Variants in LRP6 observed in about 807,000 individuals in gnomAD.
LRP6 encodes the protein low-density lipoprotein receptor-related protein 6.
In LRP6, 43 loss-of-function variants were observed where a neutral mutation model predicts 184.1. The observed-to-expected ratio is 0.23, with a 90% CI of 0.18 to 0.30. LRP6 has a LOEUF of 0.30. Among genes scored for constraint, LRP6 ranks in the 10% least tolerant of loss-of-function variants. The pLI, the probability that LRP6 is intolerant of heterozygous loss-of-function variation, is 1.00. For missense variants in LRP6, 1,571 were observed against 2,005.3 expected, an observed-to-expected ratio of 0.78 and a Z score of 4.14; for synonymous variants, 719 against 684.9, an observed-to-expected ratio of 1.05 and a Z score of -0.78.
chr12:12,254,162 A>AAAAAAAG (rs1565721161), intron 1 of LRP6, among the ~76,000 whole-genome samples: 6 of 134,960 alleles, frequency 4.4e-5, no homozygotes, highest in Non-Finnish European at 8.2e-5. Context: ...AAAAAAAAAA[A>AAAAAAAG]AAAGAAAGAA....
chr12:12,191,425 A>T (rs1012886788), intron 3 of LRP6, among the ~76,000 whole-genome samples: 1 of 152,224 alleles, frequency 6.6e-6, no homozygotes, highest in Admixed American at 6.5e-5. Flanking sequence ...ACATATACAT[A>T]GACATGAGAG....
chr12:12,117,281 A>T lies in LRP6; in HGVS notation c.*3845T>A, dbSNP rs1006664257. On this transcript the variant is annotated 3_prime_UTR_variant, in exon 23 of 23. Transcript: ENST00000261349. ...TTAGGACTCAGTCCACACTTAGTGC[A>T]TAGTCTCATCTGTAGATGCCCAAAT... The T allele has an allele frequency of 6.6e-6, 1 of 152,244 alleles. No individual in the cohort carries two copies. Among genetic ancestry groups the T allele is most frequent in the Non-Finnish European group, 1.5e-5 (1 of 68,026 alleles). 9.4% of individuals were successfully genotyped at this position (152,244 alleles called of 1,614,324 possible).
intron 7 of LRP6, among the ~76,000 whole-genome samples, chr12:12,179,215 C>G (rs1367385976): frequency 6.6e-6 from 1 of 152,014 alleles, no homozygotes; most frequent in African/African-American, 2.4e-5. Flanking sequence ...TTAACTCTAC[C>G]ACTTGGTAAA....
At chr12:12,225,797 G>A (rs191450751) in intron 2 of LRP6, among the ~76,000 whole-genome samples, 4 of 149,356 alleles carry the variant, frequency 2.7e-5, no homozygotes, top group Non-Finnish European at 3.0e-5. Context: ...GCTTGAACCC[G>A]GGAGGCAGAG....
intron 7 of LRP6, among the ~76,000 whole-genome samples, chr12:12,170,407 T>A (rs1863000529): frequency 6.6e-6 from 1 of 152,074 alleles, no homozygotes; most frequent in Non-Finnish European, 1.5e-5. Flanking sequence ...TTCTTTTCTC[T>A]CAACCTGTAA....
intron 19 of LRP6, among the ~76,000 whole-genome samples, chr12:12,129,010 C>A (rs1286842995): frequency 6.6e-6 from 1 of 152,082 alleles, no homozygotes; most frequent in Non-Finnish European, 1.5e-5. Flanking sequence ...GCAAGTCATT[C>A]GTAAATGGTG....
chr12:12,227,294 TA>T (rs1287702433), intron 2 of LRP6, among the ~76,000 whole-genome samples: 4 of 152,110 alleles, frequency 2.6e-5, no homozygotes, highest in Non-Finnish European at 4.4e-5. Context: ...TAAGAAATGT[TA>T]AAAGTAGTTC....
At chr12:12,156,386 G>C (rs889013481) in intron 12 of LRP6, among the ~76,000 whole-genome samples, 1 of 152,214 alleles carries the variant, frequency 6.6e-6, no homozygotes, top group Non-Finnish European at 1.5e-5. Context: ...GAAAGCAAGA[G>C]AGACAAGAGT....
chr12:12,131,857 T>C lies in LRP6; in HGVS notation c.3934A>G (p.Asn1312Asp). Residue 1312 changes from asparagine (N) to aspartate (D), a missense_variant, in exon 18 of 23, where the codon AAC (asparagine) becomes GAC (aspartate). Physicochemically the swap from Asn to Asp is conservative, Grantham distance 23. Coordinates refer to ENST00000261349, the MANE Select transcript of LRP6 (RefSeq NM_002336.3). ...TTCTCATCTGATTTGTCCTGGCAGTTTGCATCTCCATTGCATCGGAGGGCA... is the reference window on the plus strand; with the variant it reads ...TTCTCATCTGATTTGTCCTGGCAGTCTGCATCTCCATTGCATCGGAGGGCA... Reference protein sequence around the residue: ...DGALRCNGDANCQDKSDEKNC... With the variant: ...DGALRCNGDADCQDKSDEKNC... 1 of 1,614,186 alleles carries C rather than the reference T, an allele frequency of 6.2e-7. No homozygotes were observed. The highest frequency in any genetic ancestry group is 8.5e-7 in the Non-Finnish European group (1 of 1,180,024).
At chr12:12,133,331 G>C (rs144928099) in intron 17 of LRP6, among the ~76,000 whole-genome samples, 12 of 152,264 alleles carry the variant, frequency 7.9e-5, no homozygotes, top group South Asian at 2.1e-4. Context: ...TGGATCATGG[G>C]GGGTAGATCC....
In LRP6 at chr12:12,211,039, T is replaced by C. The variant is rs140813979; in HGVS notation, c.450-7639A>G. ...TCTACTTGATCATGTGTTGGTATCA[T>C]ATTTTAAAAACAAGTAGAAATTAAT... is the stretch of plus-strand genomic sequence containing the variant. On this transcript the variant is annotated intron_variant, in intron 2 of 22. Coordinates refer to ENST00000261349, the MANE Select transcript of LRP6 (RefSeq NM_002336.3). 2.3e-3 allele frequency: 350 copies of C among 152,362 alleles called. 1 individual carries two copies. The highest frequency in any genetic ancestry group is 8.2e-3 in the African/African-American group (339 of 41,588). The allele number at this position is 152,362 out of a possible 1,614,324, so 9.4% of individuals were successfully genotyped here.
chr12:12,259,968 T>C (rs1375128147), intron 1 of LRP6, among the ~76,000 whole-genome samples: 1 of 152,234 alleles, frequency 6.6e-6, no homozygotes, highest in African/African-American at 2.4e-5. Flanking sequence ...GATGTCTTGA[T>C]AAAATTATTT....
intron 16 of LRP6, 88 bp downstream of exon 16, chr12:12,138,237 G>A: frequency 1.6e-6 from 2 of 1,268,150 alleles, no homozygotes; most frequent in Non-Finnish European, 2.3e-6. Flanking sequence ...AGTCTTCAAG[G>A]AAACAGAGTT....
At chr12:12,263,549 T>C (rs1218349326) in intron 1 of LRP6, among the ~76,000 whole-genome samples, 4 of 44,518 alleles carry the variant, frequency 9.0e-5, no homozygotes, top group Non-Finnish European at 1.9e-4. Flanking sequence ...AGAATCCGTC[T>C]CAAAAAAAAA....
At chr12:12,184,500 A>G (rs1263614496) in intron 4 of LRP6, among the ~76,000 whole-genome samples, 3 of 152,248 alleles carry the variant, frequency 2.0e-5, no homozygotes, top group African/African-American at 7.2e-5. Flanking sequence ...TAAAGAATTG[A>G]AGAAGAGCTT....
intron 1 of LRP6, chr12:12,248,944 T>A (rs1282351713): frequency 2.0e-5 from 9 of 452,124 alleles, no homozygotes; most frequent in Non-Finnish European, 3.6e-5. Context: ...TTGTTCCAAA[T>A]GACAGAGTAT....
intron 15 of LRP6, among the ~76,000 whole-genome samples, chr12:12,144,906 C>T (rs1402160402): frequency 7.0e-6 from 1 of 142,234 alleles, no homozygotes; most frequent in East Asian, 2.0e-4. Context: ...CACACTGGGG[C>T]CTGTCGGGGG....
intron 2 of LRP6, among the ~76,000 whole-genome samples, chr12:12,242,113 T>C (rs1865081486): frequency 6.6e-6 from 1 of 152,198 alleles, no homozygotes. Flanking sequence ...CAGGTAATCA[T>C]TAATCTCTTA....
chr12:12,215,939 A>G (rs1864332707), intron 2 of LRP6, among the ~76,000 whole-genome samples: 1 of 151,850 alleles, frequency 6.6e-6, no homozygotes, highest in Non-Finnish European at 1.5e-5. Context: ...TTGAACCCAC[A>G]AGGCAGAGGT....
Sources: allele counts gnomAD v4.1 joint callset (sites outside exome capture counted in the v4.1 genomes callset), GRCh38; gene constraint gnomAD v4.1.1; transcripts MANE v1.5; gene names NCBI Gene and HGNC (gene_info 2026-07-23, HGNC 2026-07-21).